Variants in ZNF518B observed in about 807,000 individuals in gnomAD.
The protein encoded by ZNF518B is zinc finger protein 518B.
ZNF518B carries 23 observed loss-of-function variants against 56.3 expected under a neutral mutation model. The observed-to-expected ratio is 0.41, with a 90% CI of 0.29 to 0.58. ZNF518B has a LOEUF of 0.58. Among genes scored for constraint, ZNF518B ranks in the 20% least tolerant of loss-of-function variants. The pLI, the probability that ZNF518B is intolerant of heterozygous loss-of-function variation, is 0.32. For synonymous variants in ZNF518B, 529 were observed against 465.9 expected (o/e 1.14, Z -1.74); for missense variants, 1,460 against 1,272.1 (o/e 1.15, Z -2.25).
rs140377421 is a variant in ZNF518B at position 10,443,362 on chromosome 4, A to G, written c.2967T>C (p.His989=). 6.1e-4 allele frequency: 991 copies of G among 1,614,260 alleles called. 1 individual carries two copies. Among genetic ancestry groups the G allele is most frequent in the African/African-American group, 4.4e-3 (330 of 75,066 alleles). ...CCGCATTCTGGTAGGTCAGGCGTAC[A>G]TGATGCCGTCTGATGCCTAGCTGAC... The part of the protein sequence containing the change: ...TRCQLGIRRH[H]VRLTYQNAEE... The change falls in exon 3 of 3, where the codon CAT becomes CAC. Residue 989 remains histidine, a synonymous_variant. Transcript: ENST00000326756.
Position 10,456,793 on chromosome 4 carries a change from A to C in ZNF518B, c.-396+524T>G, listed in dbSNP as rs373538137. 1.8e-4 allele frequency among the ~76,000 whole-genome samples: 28 copies of C among 152,268 alleles called. No homozygotes were observed. The East Asian group carries it at 2.7e-3, about 15-fold the overall frequency. Reference sequence around the variant, plus strand: ...AACGCTCAGCTCCGAGGCCCGCAGGAGGCTTTAAAAATGGCCTCCTGACGA... The same window carrying C: ...AACGCTCAGCTCCGAGGCCCGCAGGCGGCTTTAAAAATGGCCTCCTGACGA... On this transcript the variant is annotated intron_variant, in intron 1 of 2. Transcript: ENST00000326756.
rs1026753754 is a variant in ZNF518B at position 10,442,079 on chromosome 4, G to A, written c.*1025C>T. On this transcript the variant is annotated 3_prime_UTR_variant, in exon 3 of 3. Coordinates refer to ENST00000326756, the MANE Select transcript of ZNF518B (RefSeq NM_053042.3). ...GCTAGTCCACAGGAGGGCCGGTTCA[G>A]AAGAAATGGCAAAGGGAGTCTAGTG... 6.6e-6 allele frequency: 1 copy of A among 152,284 alleles called. No individual in the cohort carries two copies. The highest frequency in any genetic ancestry group is 6.5e-5 in the Admixed American group (1 of 15,280). The allele number at this position is 152,284 out of a possible 1,614,324, so 9.4% of individuals were successfully genotyped here.
Position 10,440,978 on chromosome 4 carries a change from C to CTACTT in ZNF518B, c.*2125_*2126insAAGTA, listed in dbSNP as rs112023205. 0.41 allele frequency: 62,978 copies of CTACTT among 151,958 alleles called. 13,391 individuals are homozygous for CTACTT. Among genetic ancestry groups the CTACTT allele is most frequent in the African/African-American group, 0.51 (21,249 of 41,292 alleles). 9.4% of individuals were successfully genotyped at this position (151,958 alleles called of 1,614,324 possible). A position where few individuals can be genotyped will look rare whatever the true frequency, so the allele number is the denominator to read the frequency against. ...TAACATGGATAAAACTTCGAATGCT[C>CTACTT]TACGTAGTGAAGTGGTACCAAAGAT... On this transcript the variant is annotated 3_prime_UTR_variant, in exon 3 of 3. Transcript: ENST00000326756.
At chr4:10,456,946 C>A (rs1406366153) in intron 1 of ZNF518B, among the ~76,000 whole-genome samples, 3 of 151,120 alleles carry the variant, frequency 2.0e-5, no homozygotes, top group African/African-American at 4.8e-5. Flanking sequence ...CCACCCCCGC[C>A]TCGGTCGCCC....
chr4:10,443,950 T>C lies in ZNF518B; in HGVS notation c.2379A>G (p.Thr793=). 1.9e-6 allele frequency: 3 copies of C among 1,614,230 alleles called. No homozygotes were observed. The highest frequency in any genetic ancestry group is 1.3e-5 in the African/African-American group (1 of 75,072). ...AAGGTATGCTGACAGGTGCTTCACA[T>C]GTAGCCTCTATGATGTGGGCATTCT... The part of the protein sequence containing the change: ...SSENAHIIEA[T]CEAPVSIPCS... The change falls in exon 3 of 3, where the codon ACA becomes ACG. Residue 793 remains threonine, a synonymous_variant. Transcript: ENST00000326756.
In ZNF518B at chr4:10,444,681, C is replaced by T; in HGVS notation, c.1648G>A (p.Glu550Lys). 1 of 1,614,190 alleles carries T rather than the reference C, an allele frequency of 6.2e-7. No homozygotes were observed. Residue 550 changes from glutamate to lysine, a missense_variant, in exon 3 of 3, where the codon GAA becomes AAA. Glu to Lys is a moderately conservative substitution (Grantham distance 56, BLOSUM62 1). Coordinates refer to ENST00000326756, the MANE Select transcript of ZNF518B (RefSeq NM_053042.3). ...TTACTTGTAGATTCCAAGTCATTTTCACTTACAGGCAATAAGCCCTTTTCT... is the reference window on the plus strand; with the variant it reads ...TTACTTGTAGATTCCAAGTCATTTTTACTTACAGGCAATAAGCCCTTTTCT... ...SGEKGLLPVSENDLESTSKVN... is the reference protein window; with the variant it reads ...SGEKGLLPVSKNDLESTSKVN...
intron 2 of ZNF518B, chr4:10,452,086 G>A (rs1715343610): frequency 6.6e-6 from 1 of 152,120 alleles, no homozygotes; most frequent in Admixed American, 6.5e-5. Context: ...CTCTTTTCAG[G>A]AATGCTGACC....
In ZNF518B at chr4:10,442,816, CAAAG is replaced by C. The variant is rs942609411; in HGVS notation, c.*284_*287del. ...TGTACTCAGAAAACGGGGTGCTAAACAAAGAAAAGTCTCAGATCCCACTGAAAAT... is the reference window on the plus strand; with the variant it reads ...TGTACTCAGAAAACGGGGTGCTAAACAAAAGTCTCAGATCCCACTGAAAAT... On this transcript the variant is annotated 3_prime_UTR_variant, in exon 3 of 3. Coordinates refer to ENST00000326756, the MANE Select transcript of ZNF518B (RefSeq NM_053042.3). The C allele has an allele frequency of 3.2e-5, 11 of 347,854 alleles. No homozygotes were observed. The highest frequency in any genetic ancestry group is 1.2e-4 in the African/African-American group (6 of 48,714). 21.5% of individuals were successfully genotyped at this position (347,854 alleles called of 1,614,324 possible). A position where few individuals can be genotyped will look rare whatever the true frequency, so the allele number is the denominator to read the frequency against.
chr4:10,450,093 C>G (rs1404265276), intron 2 of ZNF518B, among the ~76,000 whole-genome samples: 2 of 152,180 alleles, frequency 1.3e-5, no homozygotes, highest in African/African-American at 4.8e-5. Context: ...AATACACAAG[C>G]CAGCCAGAAC....
rs1179526824 is a variant in ZNF518B, at chr4:10,444,330, T to C, written c.1999A>G (p.Arg667Gly). The C allele has an allele frequency of 6.2e-7, 1 of 1,614,116 alleles. No individual in the cohort carries two copies. The highest frequency in any genetic ancestry group is 8.5e-7 in the Non-Finnish European group (1 of 1,180,042). ...GACTCAATTAACTGAGCTATCTTTC[T>C]GCGCAACAGTTCAATTGACTTTATT... ...SKIKSIELLR[R>G]KIAQLIESCG... The change falls in exon 3 of 3, where the codon AGA becomes GGA. Residue 667 changes from arginine (R) to glycine (G), a missense_variant. Coordinates refer to ENST00000326756, the MANE Select transcript of ZNF518B (RefSeq NM_053042.3).
At position 10,442,911 on chromosome 4, in the gene ZNF518B, A is replaced by AT; in HGVS notation, c.*192_*193insA. 1 of 553,556 alleles carries AT rather than the reference A, an allele frequency of 1.8e-6. No homozygotes were observed. Among genetic ancestry groups the AT allele is most frequent in the South Asian group, 3.0e-5 (1 of 33,762 alleles). 34.3% of individuals were successfully genotyped at this position (553,556 alleles called of 1,614,324 possible). On this transcript the variant is annotated 3_prime_UTR_variant, in exon 3 of 3. Transcript: ENST00000326756. ...TACCAATTTGCATGTACAATTTCAG[A>AT]GCCTTCAAATACATTCTGGGGTCCA...
At chr4:10,460,447 A>G (rs1368748936), upstream of ZNF518B, among the ~76,000 whole-genome samples, 1 of 152,012 alleles carries the variant, frequency 6.6e-6, no homozygotes, top group Non-Finnish European at 1.5e-5. Context: ...TTTCTGGACC[A>G]CGAGCCTTAC....
chr4:10,458,461 A>G (rs1354641033), upstream of ZNF518B, among the ~76,000 whole-genome samples: 3 of 152,196 alleles, frequency 2.0e-5, no homozygotes, highest in Non-Finnish European at 4.4e-5. Flanking sequence ...GTACTGCCAC[A>G]CGGAGAAGCG....
rs151218914 is a variant in ZNF518B, at chr4:10,443,363, T to C, written c.2966A>G (p.His989Arg). The change falls in exon 3 of 3, where the codon CAT becomes CGT. Residue 989 changes from histidine (H) to arginine (R), a missense_variant. Coordinates refer to ENST00000326756, the MANE Select transcript of ZNF518B (RefSeq NM_053042.3). ...TRCQLGIRRH[H>R]VRLTYQNAEE... ...CGCATTCTGGTAGGTCAGGCGTACA[T>C]GATGCCGTCTGATGCCTAGCTGACA... is the stretch of plus-strand genomic sequence containing the variant. 6.2e-7 allele frequency: 1 copy of C among 1,614,280 alleles called. No homozygotes were observed. Among genetic ancestry groups the C allele is most frequent in the Non-Finnish European group, 8.5e-7 (1 of 1,180,046 alleles).
rs1392349266 is a variant in ZNF518B at position 10,442,148 on chromosome 4, C to G, written c.*956G>C. The G allele has an allele frequency of 6.6e-6, 1 of 152,146 alleles. No homozygotes were observed. The highest frequency in any genetic ancestry group is 2.1e-4 in the South Asian group (1 of 4,824). The allele number at this position is 152,146 out of a possible 1,614,324, so 9.4% of individuals were successfully genotyped here. A position where few individuals can be genotyped will look rare whatever the true frequency, so the allele number is the denominator to read the frequency against. ...CAAGAAGAGAGAAGACAGCATCCAC[C>G]CATGGTCTTTGGATGAATCCCAAAT... On this transcript the variant is annotated 3_prime_UTR_variant, in exon 3 of 3. Coordinates refer to ENST00000326756, the MANE Select transcript of ZNF518B (RefSeq NM_053042.3).
intron 2 of ZNF518B, among the ~76,000 whole-genome samples, chr4:10,448,228 C>G (rs530129088): frequency 3.0e-4 from 45 of 152,218 alleles, no homozygotes; most frequent in African/African-American, 1.1e-3. Flanking sequence ...AGTCCTTCTC[C>G]AAGTGTCAAG....
At position 10,444,807 on chromosome 4, in the gene ZNF518B, T is replaced by C; in HGVS notation, c.1522A>G (p.Lys508Glu). Residue 508 changes from lysine (K) to glutamate (E), a missense_variant, in exon 3 of 3, where the codon AAA (lysine) becomes GAA (glutamate). By Grantham distance (56) the Lys-to-Glu change is moderately conservative. Coordinates refer to ENST00000326756, the MANE Select transcript of ZNF518B (RefSeq NM_053042.3). The part of the protein sequence containing the change: ...LGAASNPFPY[K>E]AAVCFAESGR... ...CTTTCAGCAAAACAAACAGCAGCTT[T>C]ATATGGAAAAGGGTTTGATGCAGCT... The C allele has an allele frequency of 6.2e-7, 1 of 1,614,014 alleles. No homozygotes were observed. The highest frequency in any genetic ancestry group is 8.5e-7 in the Non-Finnish European group (1 of 1,179,960).
rs1315562950 is a variant in ZNF518B, at chr4:10,457,368, C to G, written c.-447G>C. The G allele has an allele frequency of 6.6e-6, 1 of 151,938 alleles. No individual in the cohort carries two copies. The highest frequency in any genetic ancestry group is 1.5e-5 in the Non-Finnish European group (1 of 67,960). The allele number at this position is 151,938 out of a possible 1,614,324, so 9.4% of individuals were successfully genotyped here. A position where few individuals can be genotyped will look rare whatever the true frequency, so the allele number is the denominator to read the frequency against. On this transcript the variant is annotated 5_prime_UTR_variant, in exon 1 of 3. Transcript: ENST00000326756. ...TCCCGGCGAAGGGGCGTCTACACCG[C>G]CGGCCGCAGACCGCCGGCGCCGCGC...
chr4:10,452,621 G>C (rs1273506267), intron 2 of ZNF518B: 1 of 152,142 alleles, frequency 6.6e-6, no homozygotes, highest in East Asian at 1.9e-4. Flanking sequence ...GGGGAAGGCA[G>C]GACATCTGGG....
Sources: gnomAD v4.1 joint callset for allele counts (sites outside exome capture counted in the v4.1 genomes callset) on GRCh38, gnomAD v4.1.1 for gene constraint, MANE v1.5 for transcripts, NCBI Gene and HGNC (gene_info 2026-07-23, HGNC 2026-07-21) for gene names.